The following SMCHD1 variants were observed in gnomAD, a reference collection of about 807,000 sequenced individuals.
The protein encoded by SMCHD1 is structural maintenance of chromosomes flexible hinge domain containing 1, also known as structural maintenance of chromosomes flexible hinge domain-containing protein 1.
In SMCHD1, 78 loss-of-function variants were observed where a neutral mutation model predicts 254.7. The ratio of observed to expected loss-of-function variants is 0.31; its 90% CI spans 0.26 to 0.37. SMCHD1 has a LOEUF of 0.37. Ranked by LOEUF, SMCHD1 falls within the 10% of genes least tolerant of loss-of-function variation. The pLI is 1.00. For missense variants in SMCHD1, 1,840 were observed against 2,408.1 expected (o/e 0.76, Z 4.94); for synonymous variants, 766 against 794.9 (o/e 0.96, Z 0.61).
chr18:2,786,112 C>G (rs1396782034), intron 45 of SMCHD1, among the ~76,000 whole-genome samples: 1 of 152,078 alleles, frequency 6.6e-6, no homozygotes, highest in Non-Finnish European at 1.5e-5. Flanking sequence ...CTCCCGGGAT[C>G]AAGCAATGTT....
Position 2,690,412 on chromosome 18 carries a change from C to T in SMCHD1, c.873+1665C>T, listed in dbSNP as rs114352935. Reference sequence around the variant, plus strand: ...ATGAGTATCTTTGCATAACATCTTACCTGAATTACAGATTTTTTTCTTAGG... The same window carrying T: ...ATGAGTATCTTTGCATAACATCTTATCTGAATTACAGATTTTTTTCTTAGG... On this transcript the variant is annotated intron_variant, in intron 7 of 47. Transcript: ENST00000320876. Among the ~76,000 whole-genome samples the T allele has an allele frequency of 6.5e-3, 987 of 152,138 alleles. 15 individuals carry two copies. Among genetic ancestry groups the T allele is most frequent in the African/African-American group, 0.023 (947 of 41,512 alleles).
chr18:2,783,771 A>G lies in SMCHD1; in HGVS notation c.5548-679A>G, dbSNP rs552286065. 2.6e-5 allele frequency among the ~76,000 whole-genome samples: 4 copies of G among 151,978 alleles called. No homozygotes were observed. The East Asian group carries it at 7.8e-4, about 29-fold the overall frequency. On this transcript the variant is annotated intron_variant, in intron 44 of 47. Transcript: ENST00000320876. ...TGTTTTTAGTAGAGATGAGGTTTCAACATGTTGGTCAGGCTGGTCTCGAAC... is the reference window on the plus strand; with the variant it reads ...TGTTTTTAGTAGAGATGAGGTTTCAGCATGTTGGTCAGGCTGGTCTCGAAC...
At chr18:2,661,895 G>A (rs368692364) in intron 1 of SMCHD1, among the ~76,000 whole-genome samples, 6 of 151,900 alleles carry the variant, frequency 3.9e-5, no homozygotes, top group Admixed American at 6.6e-5. Flanking sequence ...GGTGGCTCAC[G>A]CCTGTAATCC....
chr18:2,669,131 AGACCAGGACTTTAG>A (rs2073524713), intron 3 of SMCHD1, among the ~76,000 whole-genome samples: 1 of 149,456 alleles, frequency 6.7e-6, no homozygotes, highest in African/African-American at 2.4e-5. Flanking sequence ...AGATCACTTG[AGACCAGGACTTTAG>A]GACCGGCCTG....
In SMCHD1 at chr18:2,673,168, C is replaced by T. The variant is rs2073657694; in HGVS notation, c.425-113C>T. The T allele has an allele frequency of 3.6e-6, 5 of 1,382,374 alleles. No homozygotes were observed. In the East Asian group the frequency reaches 1.3e-4, roughly 36 times the overall value. 85.6% of individuals were successfully genotyped at this position (1,382,374 alleles called of 1,614,324 possible). A position where few individuals can be genotyped will look rare whatever the true frequency, so the allele number is the denominator to read the frequency against. ...TTATATCATTAGGATCAGGATAATA[C>T]TTTAATTCTAGCTCTTTGGCTTTAA... is the stretch of plus-strand genomic sequence containing the variant. On this transcript the variant is annotated intron_variant, in intron 3 of 47. Coordinates refer to ENST00000320876, the MANE Select transcript of SMCHD1 (RefSeq NM_015295.3).
At chr18:2,700,994 A>G (rs2074387118) in intron 12 of SMCHD1, 76 bp downstream of exon 12, 1 of 1,108,060 alleles carries the variant, frequency 9.0e-7, no homozygotes, top group African/African-American at 1.6e-5. Flanking sequence ...CTAGCAGTGT[A>G]GGTTTTTATT....
At chr18:2,702,244 A>T (rs1179860650) in intron 12 of SMCHD1, 1 of 150,816 alleles carries the variant, frequency 6.6e-6, no homozygotes, top group Non-Finnish European at 1.5e-5. Context: ...GCTTGAGGCC[A>T]GGAGTTCAAG....
intron 34 of SMCHD1, among the ~76,000 whole-genome samples, chr18:2,753,455 C>T (rs574293154): frequency 2.0e-4 from 30 of 152,160 alleles, no homozygotes; most frequent in African/African-American, 7.0e-4. Context: ...ATTGCTGGGT[C>T]ATAAGTTCAT....
Position 2,694,656 on chromosome 18 carries a change from T to A in SMCHD1, c.1003T>A (p.Leu335Met). Residue 335 changes from leucine (L) to methionine (M), a missense_variant, in exon 8 of 48, where the codon TTG (leucine) becomes ATG (methionine). Leu to Met is a conservative substitution (Grantham distance 15). Around this residue, in one of 9 missense-constraint regions of SMCHD1, gnomAD observed 498 missense variants for 743.5 expected, o/e 0.67. Transcript: ENST00000320876. ...TGVQPEHIQY[L>M]KNYFHLWTRQ... is the part of the protein sequence containing the mutation. ...GGTACAACCAGAACACATACAGTAC[T>A]TGAAAAATTATTTCCACCTTTGGAC... is the stretch of plus-strand genomic sequence containing the variant. The A allele has an allele frequency of 2.5e-6, 4 of 1,612,432 alleles. No homozygotes were observed. The highest frequency in any genetic ancestry group is 3.4e-6 in the Non-Finnish European group (4 of 1,179,416).
At chr18:2,679,175 G>A (rs1429943648) in intron 5 of SMCHD1, among the ~76,000 whole-genome samples, 3 of 148,678 alleles carry the variant, frequency 2.0e-5, no homozygotes, top group African/African-American at 7.4e-5. Context: ...GGCTACTTGT[G>A]CTGGGTAAAG....
intron 3 of SMCHD1, among the ~76,000 whole-genome samples, chr18:2,670,220 C>T (rs2073558579): frequency 1.3e-5 from 2 of 152,070 alleles, no homozygotes; most frequent in South Asian, 4.1e-4. Flanking sequence ...GTTTCTACTA[C>T]CTTTCTTACT....
chr18:2,712,658 C>T lies in SMCHD1; in HGVS notation c.2260+4738C>T, dbSNP rs557261891. Among the ~76,000 whole-genome samples the T allele has an allele frequency of 5.9e-5, 9 of 152,308 alleles. No individual in the cohort carries two copies. The South Asian group carries it at 1.2e-3, about 21-fold the overall frequency. On this transcript the variant is annotated intron_variant, in intron 17 of 47. Transcript: ENST00000320876. Reference sequence around the variant, plus strand: ...AAACCAAGGGACAACTGTATATCTTCGTTCTGCCCATTCAAGTCCGAGTCA... The same window carrying T: ...AAACCAAGGGACAACTGTATATCTTTGTTCTGCCCATTCAAGTCCGAGTCA...
chr18:2,784,612 G>T lies in SMCHD1; in HGVS notation c.5710G>T (p.Glu1904Ter), dbSNP rs1367811184. ...PVPKQCLILG[E>*]QIDLLQQYRS... Reference sequence around the variant, plus strand: ...TCCAAAACAGTGTCTGATCTTAGGGGAACAAATAGGTAAGTTGAATAAGTA... The same window carrying T: ...TCCAAAACAGTGTCTGATCTTAGGGTAACAAATAGGTAAGTTGAATAAGTA... The change falls in exon 45 of 48, where the codon GAA (glutamate) becomes TAA (stop). Residue 1904 changes from glutamate (E) to a stop codon, truncating the protein, a stop_gained. Coordinates refer to ENST00000320876, the MANE Select transcript of SMCHD1 (RefSeq NM_015295.3). LOFTEE classifies it high-confidence loss of function. 1 of 1,581,310 alleles carries T rather than the reference G, an allele frequency of 6.3e-7. No individual in the cohort carries two copies. Among genetic ancestry groups the T allele is most frequent in the African/African-American group, 1.4e-5 (1 of 72,982 alleles).
chr18:2,778,209 T>G lies in SMCHD1; in HGVS notation c.5517T>G (p.Asn1839Lys). ...TAGGAGACACCATTATTTTGGATAATCTGGATGCGGCCAATCATTATAGAA... is the reference window on the plus strand; with the variant it reads ...TAGGAGACACCATTATTTTGGATAAGCTGGATGCGGCCAATCATTATAGAA... ...MLLGDTIILD[N>K]LDAANHYRKE... Residue 1839 changes from asparagine (N) to lysine (K), a missense_variant, in exon 44 of 48, where the codon AAT (asparagine) becomes AAG (lysine). Asn to Lys is a moderately conservative substitution (Grantham distance 94). Around this residue, in one of 9 missense-constraint regions of SMCHD1, gnomAD observed 114 missense variants for 217.6 expected, o/e 0.52. Coordinates refer to ENST00000320876, the MANE Select transcript of SMCHD1 (RefSeq NM_015295.3). 1.2e-6 allele frequency: 2 copies of G among 1,610,222 alleles called. No homozygotes were observed. Among genetic ancestry groups the G allele is most frequent in the Non-Finnish European group, 1.7e-6 (2 of 1,177,868 alleles).
chr18:2,671,705 C>T (rs765525858), intron 3 of SMCHD1, among the ~76,000 whole-genome samples: 3 of 150,888 alleles, frequency 2.0e-5, no homozygotes, highest in Non-Finnish European at 4.4e-5. Flanking sequence ...ACGCCATTCT[C>T]CTGCCTCAGT....
chr18:2,764,366 G>T (rs2075833890), intron 37 of SMCHD1, among the ~76,000 whole-genome samples: 1 of 151,992 alleles, frequency 6.6e-6, no homozygotes, highest in South Asian at 2.1e-4. Flanking sequence ...TAATAGAATT[G>T]TGCCTTTATA....
chr18:2,706,740 C>T (rs889917892), intron 15 of SMCHD1, among the ~76,000 whole-genome samples: 1 of 152,160 alleles, frequency 6.6e-6, no homozygotes, highest in African/African-American at 2.4e-5. Flanking sequence ...TAAAAAAACT[C>T]AGTTTGGCCT....
At chr18:2,740,165 A>G (rs921883622) in intron 27 of SMCHD1, among the ~76,000 whole-genome samples, 7 of 151,976 alleles carry the variant, frequency 4.6e-5, no homozygotes, top group Admixed American at 1.3e-4. Flanking sequence ...CTCGCACTTA[A>G]GAGTGAGAAC....
At chr18:2,707,777 A>C (rs754448011) in intron 16 of SMCHD1, 30 bp from the exon 17 acceptor site, 1 of 1,570,828 alleles carries the variant, frequency 6.4e-7, no homozygotes, top group East Asian at 2.2e-5. Flanking sequence ...TTTGGGTGTA[A>C]TTAAGATACT....
Sources: gnomAD v4.1 joint callset for allele counts (sites outside exome capture counted in the v4.1 genomes callset) on GRCh38, gnomAD v4.1.1 for gene constraint, gnomAD v4.1.1 regional missense constraint, MANE v1.5 for transcripts, NCBI Gene and HGNC (gene_info 2026-07-23, HGNC 2026-07-21) for gene names.